TDRD9: variants seen among roughly 807,000 people sequenced by gnomAD.
TDRD9 encodes tudor domain containing 9.
In TDRD9, 124 loss-of-function variants were observed where a neutral mutation model predicts 172.6. The observed-to-expected ratio is 0.72, with a 90% CI of 0.62 to 0.83. The LOEUF (loss-of-function observed/expected upper bound fraction) is 0.83, where lower values mean the gene tolerates loss of function less well. TDRD9 is among the 40% of genes least tolerant of loss of function. The pLI, the probability that TDRD9 is intolerant of heterozygous loss-of-function variation, is 0.00. For missense variants in TDRD9, 1,479 were observed against 1,714.1 expected, an observed-to-expected ratio of 0.86 and a Z score of 2.42; for synonymous variants, 619 against 617.1, an observed-to-expected ratio of 1.00 and a Z score of -0.05.
At chr14:103,995,889 C>G in intron 12 of TDRD9, 82 bp downstream of exon 12, 3 of 1,246,906 alleles carry the variant, frequency 2.4e-6, no homozygotes, top group Non-Finnish European at 3.3e-6. Context: ...AGGAATTGTT[C>G]TTCTCTTCCT....
intron 20 of TDRD9, among the ~76,000 whole-genome samples, chr14:104,014,362 C>G (rs1422008008): frequency 1.3e-5 from 2 of 151,810 alleles, no homozygotes; most frequent in Non-Finnish European, 2.9e-5. Context: ...TCACTGCAAC[C>G]GCTGCCCTCC....
intron 13 of TDRD9, among the ~76,000 whole-genome samples, chr14:104,003,924 A>C (rs567863632): frequency 6.6e-6 from 1 of 152,222 alleles, no homozygotes. Context: ...TTTCTGTTGC[A>C]TATTGGGCCA....
rs1365040927 is a variant in TDRD9, at chr14:104,020,882, G to T, written c.2433-1275G>T. ...TCCTTCTGCCTGGCACATCCAGCAG[G>T]CACCTTTTGCTCCATGCCTGCTCCT... On this transcript the variant is annotated intron_variant, in intron 23 of 35. Transcript: ENST00000409874. Among the ~76,000 whole-genome samples the T allele has an allele frequency of 8.5e-5, 13 of 152,258 alleles. 1 individual carries two copies. In the South Asian group the frequency reaches 2.5e-3, roughly 29 times the overall value.
intron 1 of TDRD9, among the ~76,000 whole-genome samples, chr14:103,938,436 A>ATTTTTTTT (rs1483928412): frequency 0.013 from 507 of 40,360 alleles, 17 homozygotes; most frequent in Admixed American, 0.019. Flanking sequence ...ATATATATAT[A>ATTTTTTTT]TATATTTTTT....
chr14:103,951,810 A>G (rs1454664032), intron 1 of TDRD9, among the ~76,000 whole-genome samples: 1 of 151,302 alleles, frequency 6.6e-6, no homozygotes, highest in Non-Finnish European at 1.5e-5. Context: ...TGTGTCGCCC[A>G]GGCTGGAGTG....
Position 104,022,151 on chromosome 14 carries a change from G to T in TDRD9, c.2433-6G>T, listed in dbSNP as rs2034973710. 1 of 1,549,888 alleles carries T rather than the reference G, an allele frequency of 6.5e-7. No homozygotes were observed. The highest frequency in any genetic ancestry group is 1.2e-5 in the South Asian group (1 of 83,192). ...ATTTATTTTTAAATTTACATTTGTG[G>T]AACAGAGCCTTTGTGGAATTCTCAC... On this transcript the variant is annotated splice_polypyrimidine_tract_variant and splice_region_variant and intron_variant, in intron 23 of 35. Transcript: ENST00000409874.
At chr14:103,939,226 A>G (rs968717511) in intron 1 of TDRD9, among the ~76,000 whole-genome samples, 1 of 152,184 alleles carries the variant, frequency 6.6e-6, no homozygotes, top group Non-Finnish European at 1.5e-5. Flanking sequence ...TCTTCATGGC[A>G]TATATTTCCT....
chr14:103,979,764 C>T lies in TDRD9; in HGVS notation c.1011+4211C>T, dbSNP rs577460704. ...GTTTCTCCATTATGCATTACTGCCT[C>T]CTTTCCACATTGTACTCTTGAGAAA... On this transcript the variant is annotated intron_variant, in intron 7 of 35. Transcript: ENST00000409874. Among the ~76,000 whole-genome samples, 18 of 152,322 alleles carry T rather than the reference C, an allele frequency of 1.2e-4. No individual in the cohort carries two copies. In the South Asian group the frequency reaches 3.1e-3, roughly 26 times the overall value.
chr14:103,954,545 T>C (rs1002604487), intron 1 of TDRD9, among the ~76,000 whole-genome samples: 9 of 152,266 alleles, frequency 5.9e-5, no homozygotes, highest in Non-Finnish European at 8.8e-5. Context: ...TTCGTTTACA[T>C]GTGCTGATGT....
At chr14:103,969,780 G>A (rs996210400) in intron 5 of TDRD9, among the ~76,000 whole-genome samples, 2 of 149,784 alleles carry the variant, frequency 1.3e-5, no homozygotes, top group African/African-American at 4.9e-5. Flanking sequence ...TAGAACAGTA[G>A]CAGGCTGCCT....
chr14:103,964,222 G>A (rs1213342735), intron 3 of TDRD9, among the ~76,000 whole-genome samples: 1 of 152,136 alleles, frequency 6.6e-6, no homozygotes, highest in East Asian at 1.9e-4. Flanking sequence ...CAGCCTGGGT[G>A]ACAGAGCTAG....
chr14:103,953,358 A>G (rs998419533), intron 1 of TDRD9, among the ~76,000 whole-genome samples: 1 of 151,146 alleles, frequency 6.6e-6, no homozygotes, highest in African/African-American at 2.4e-5. Context: ...TGAGTGAATT[A>G]ATGAGTAAAT....
In TDRD9 at chr14:104,031,250, C is replaced by G; in HGVS notation, c.3425C>G (p.Thr1142Ser). The G allele has an allele frequency of 6.4e-7, 1 of 1,550,594 alleles. No homozygotes were observed. The highest frequency in any genetic ancestry group is 8.7e-7 in the Non-Finnish European group (1 of 1,146,574). Residue 1142 changes from threonine (T) to serine (S), a missense_variant, in exon 29 of 36, where the codon ACT becomes AGT. Coordinates refer to ENST00000409874, the MANE Select transcript of TDRD9 (RefSeq NM_153046.3). ...LESFSTNKLG[T>S]PNCKAELHGP... ...AGCTTTTCTACCAATAAACTGGGTA[C>G]TCCAAACTGTAAGGTGATTGTAGGA...
Position 103,995,949 on chromosome 14 carries a change from G to A in TDRD9, c.1378+142G>A, listed in dbSNP as rs551961165. 1.6e-4 allele frequency: 119 copies of A among 735,196 alleles called. 2 individuals are homozygous for A. In the South Asian group the frequency reaches 2.0e-3, roughly 12 times the overall value. The allele number at this position is 735,196 out of a possible 1,614,324, so 45.5% of individuals were successfully genotyped here. On this transcript the variant is annotated intron_variant, in intron 12 of 35. Coordinates refer to ENST00000409874, the MANE Select transcript of TDRD9 (RefSeq NM_153046.3). Reference sequence around the variant, plus strand: ...ACAGAATTGAGAAAAGTAGGTTTACGTAGTTTCTCCCATACTCTCAGTTCA... The same window carrying A: ...ACAGAATTGAGAAAAGTAGGTTTACATAGTTTCTCCCATACTCTCAGTTCA...
At chr14:103,989,138 C>T (rs1027878827) in intron 8 of TDRD9, among the ~76,000 whole-genome samples, 1 of 152,042 alleles carries the variant, frequency 6.6e-6, no homozygotes, top group Non-Finnish European at 1.5e-5. Context: ...GAATCTTGAT[C>T]GACAGTTGTT....
At chr14:103,958,311 A>T (rs537349678) in intron 2 of TDRD9, among the ~76,000 whole-genome samples, 1 of 151,880 alleles carries the variant, frequency 6.6e-6, no homozygotes, top group Non-Finnish European at 1.5e-5. Context: ...AGGGAGGGAA[A>T]TGTGTGCAGA....
At chr14:104,050,955 A>G (rs1292685576) in intron 35 of TDRD9, among the ~76,000 whole-genome samples, 3 of 152,250 alleles carry the variant, frequency 2.0e-5, no homozygotes, top group Non-Finnish European at 4.4e-5. Context: ...AGTATTAATC[A>G]TGAATTTATT....
At chr14:103,941,607 A>G in intron 1 of TDRD9, 1 of 1,535,274 alleles carries the variant, frequency 6.5e-7, no homozygotes. Context: ...TTCCCGAAGC[A>G]GAGTCTTTGT....
intron 1 of TDRD9, 53 bp downstream of exon 1, chr14:103,928,777 C>A (rs918911421): frequency 1.9e-5 from 12 of 636,620 alleles, no homozygotes; most frequent in African/African-American, 1.2e-4. Context: ...CGAGGCCTGG[C>A]GACGAGGGCA....
Sources: allele counts gnomAD v4.1 joint callset (sites outside exome capture counted in the v4.1 genomes callset), GRCh38; gene constraint gnomAD v4.1.1; transcripts MANE v1.5; gene names NCBI Gene and HGNC (gene_info 2026-07-23, HGNC 2026-07-21).